Variants in GALK2 observed in about 807,000 individuals in gnomAD.
GALK2 encodes the protein N-acetylgalactosamine kinase.
Under a neutral mutation model 52.4 loss-of-function variants are expected in GALK2, and 36 were observed. The observed-to-expected ratio is 0.69, with a 90% CI of 0.53 to 0.91. The LOEUF (loss-of-function observed/expected upper bound fraction) is 0.91. Among genes scored for constraint, GALK2 ranks in the 40% least tolerant of loss-of-function variants. The pLI, the probability that GALK2 is intolerant of heterozygous loss-of-function variation, is 0.00. For synonymous variants in GALK2, 176 were observed against 199.1 expected (o/e 0.88, Z 0.98); for missense variants, 579 against 559.1 (o/e 1.04, Z -0.36).
intron 3 of GALK2, among the ~76,000 whole-genome samples, chr15:49,233,677 G>C (rs1261085304): frequency 6.6e-6 from 1 of 152,170 alleles, no homozygotes. Context: ...TTGATGGTGA[G>C]CAACATATTT....
chr15:49,174,517 T>C (rs935978858), intron 1 of GALK2, among the ~76,000 whole-genome samples: 5 of 152,094 alleles, frequency 3.3e-5, no homozygotes, highest in Admixed American at 2.6e-4. Flanking sequence ...GGCTAATTTT[T>C]GTATTTTTAG....
chr15:49,156,572 G>C, intron 1 of GALK2: 4 of 518,832 alleles, frequency 7.7e-6, no homozygotes, highest in South Asian at 6.0e-5. Context: ...GCTGAAAGCT[G>C]CTGAAACACG....
rs1162327978 is a variant in GALK2 at position 49,170,460 on chromosome 15, G to A, written c.53+85G>A. ...TCCACAGCACTTGGCTCCTCCCTTG[G>A]GGCGCTGCTTTTGGTCCCGGGGAGC... On this transcript the variant is annotated intron_variant, in intron 1 of 9. Coordinates refer to ENST00000560031, the MANE Select transcript of GALK2 (RefSeq NM_002044.4). The A allele has an allele frequency of 2.8e-6, 4 of 1,405,202 alleles. No homozygotes were observed. The African/African-American group carries it at 5.7e-5, about 20-fold the overall frequency. The allele number at this position is 1,405,202 out of a possible 1,614,324, so 87.0% of individuals were successfully genotyped here.
At chr15:49,289,774 C>A (rs750861073) in intron 7 of GALK2, among the ~76,000 whole-genome samples, 14 of 152,162 alleles carry the variant, frequency 9.2e-5, no homozygotes, top group Non-Finnish European at 2.1e-4. Context: ...CTTAGGATCA[C>A]CTTCCCCTCA....
intron 1 of GALK2, among the ~76,000 whole-genome samples, chr15:49,176,198 C>T (rs547968064): frequency 2.0e-5 from 3 of 152,276 alleles, no homozygotes; most frequent in Non-Finnish European, 4.4e-5. Context: ...CATTTAAAGA[C>T]CTTTTGTTCC....
chr15:49,169,900 A>C (rs1187017033), upstream of GALK2: 5 of 157,420 alleles, frequency 3.2e-5, no homozygotes, highest in Non-Finnish European at 5.6e-5. Flanking sequence ...TAACTAAAAA[A>C]CAAACAAACA....
chr15:49,297,569 A>G (rs965074149), intron 8 of GALK2, among the ~76,000 whole-genome samples: 27 of 152,312 alleles, frequency 1.8e-4, no homozygotes, highest in African/African-American at 6.5e-4. Context: ...TAAGTCACAC[A>G]TTTAAGTTTT....
intron 9 of GALK2, chr15:49,326,982 C>T (rs1042772937): frequency 6.6e-6 from 1 of 151,808 alleles, no homozygotes; most frequent in Non-Finnish European, 1.5e-5. Context: ...AATCATAGAG[C>T]CTTTAATCCA....
At chr15:49,364,566 G>C (rs1322624178) in intron 3 of GALK2, among the ~76,000 whole-genome samples, 1 of 151,846 alleles carries the variant, frequency 6.6e-6, no homozygotes, top group African/African-American at 2.4e-5. Context: ...CAGTTCTCAA[G>C]TTTATGAAAG....
At chr15:49,245,106 AAAATTTTGGGCATAACT>A (rs1180801846) in intron 5 of GALK2, among the ~76,000 whole-genome samples, 1 of 152,188 alleles carries the variant, frequency 6.6e-6, no homozygotes, top group Admixed American at 6.5e-5. Flanking sequence ...GAATTTAAGC[AAAATTTTGGGCATAACT>A]TTATTGAGAA....
intron 5 of GALK2, among the ~76,000 whole-genome samples, chr15:49,271,006 AG>A (rs1282292065): frequency 6.6e-6 from 1 of 152,194 alleles, no homozygotes; most frequent in African/African-American, 2.4e-5. Flanking sequence ...AGGGAATAGG[AG>A]GGTTCCTCTA....
At chr15:49,357,622 G>C (rs1232941899) in intron 3 of GALK2, among the ~76,000 whole-genome samples, 1 of 150,234 alleles carries the variant, frequency 6.7e-6, no homozygotes, top group Non-Finnish European at 1.5e-5. Flanking sequence ...AAAGAGTCCA[G>C]GACCAGATGG....
chr15:49,360,590 G>A (rs1346404871), intron 3 of GALK2, among the ~76,000 whole-genome samples: 1 of 152,100 alleles, frequency 6.6e-6, no homozygotes, highest in Non-Finnish European at 1.5e-5. Flanking sequence ...TATGAAGGGA[G>A]AATTAGCAGC....
intron 5 of GALK2, among the ~76,000 whole-genome samples, chr15:49,243,626 A>G (rs2091204055): frequency 6.6e-6 from 1 of 152,170 alleles, no homozygotes. Flanking sequence ...GAACCAAACA[A>G]ACAAAAAAAA....
At chr15:49,214,140 A>G (rs1422053253) in intron 2 of GALK2, among the ~76,000 whole-genome samples, 1 of 151,904 alleles carries the variant, frequency 6.6e-6, no homozygotes, top group Non-Finnish European at 1.5e-5. Flanking sequence ...AAACAAAAAA[A>G]CCCAACTTTT....
At chr15:49,353,303 G>GTTT (rs760093367) in intron 3 of GALK2, among the ~76,000 whole-genome samples, 9 of 152,080 alleles carry the variant, frequency 5.9e-5, no homozygotes, top group Non-Finnish European at 1.0e-4. Context: ...GCAATCAAGG[G>GTTT]TTTTATGTTT....
At chr15:49,291,735 G>A (rs1051508134) in intron 7 of GALK2, among the ~76,000 whole-genome samples, 1 of 152,130 alleles carries the variant, frequency 6.6e-6, no homozygotes, top group Non-Finnish European at 1.5e-5. Flanking sequence ...TTTTTCTTGA[G>A]GGTAGAGGAA....
At chr15:49,319,414 A>C (rs1232989205) in intron 8 of GALK2, among the ~76,000 whole-genome samples, 190 bp from the exon 9 acceptor site, 2 of 152,242 alleles carry the variant, frequency 1.3e-5, no homozygotes, top group Non-Finnish European at 2.9e-5. Context: ...CAGTATCAAG[A>C]AAAAAGTAAA....
Position 49,201,187 on chromosome 15 carries a change from A to G in GALK2, c.79A>G (p.Asn27Asp). 6.2e-7 allele frequency: 1 copy of G among 1,607,124 alleles called. No individual in the cohort carries two copies. Residue 27 changes from asparagine to aspartate, a missense_variant, in exon 2 of 10, where the codon AAC (asparagine) becomes GAC (aspartate). Physicochemically the swap from Asn to Asp is conservative, Grantham distance 23. Transcript: ENST00000560031. The stretch of plus-strand genomic sequence containing the variant: ...GTTACTGAAGCTAAAGGAGATGTTT[A>G]ACTCCAAGTTTGGATCTATTCCCAA... ...PRLLKLKEMF[N>D]SKFGSIPKFY...
Sources: gnomAD v4.1 joint callset for allele counts (sites outside exome capture counted in the v4.1 genomes callset) on GRCh38, gnomAD v4.1.1 for gene constraint, MANE v1.5 for transcripts, NCBI Gene and HGNC (gene_info 2026-07-23, HGNC 2026-07-21) for gene names.